The following HYDIN variants were observed in gnomAD, a reference collection of about 807,000 sequenced individuals.
HYDIN encodes axonemal central pair apparatus protein HYDIN.
HYDIN carries 132 observed loss-of-function variants against 403.9 expected under a neutral mutation model. The observed-to-expected ratio is 0.33, with a 90% confidence interval of 0.28 to 0.38. The LOEUF (loss-of-function observed/expected upper bound fraction) is 0.38, where lower values mean the gene tolerates loss of function less well. Ranked by LOEUF, HYDIN falls within the 10% of genes least tolerant of loss-of-function variation. The pLI is 1.00. For missense variants in HYDIN, 2,827 were observed against 5,009.5 expected (o/e 0.56, Z 13.15); for synonymous variants, 1,202 against 1,891.7 (o/e 0.64, Z 9.46).
At chr16:70,859,192 T>A (rs973404495) in intron 71 of HYDIN, among the ~76,000 whole-genome samples, 10 of 151,970 alleles carry the variant, frequency 6.6e-5, no homozygotes, top group Non-Finnish European at 1.2e-4. Context: ...TCCGAGCTAC[T>A]CGGAAGGCTG....
rs190198961 is a variant in HYDIN, at chr16:71,124,408, G to A, written c.1227+5232C>T. On this transcript the variant is annotated intron_variant, in intron 9 of 85. Coordinates refer to ENST00000393567, the MANE Select transcript of HYDIN (RefSeq NM_001270974.2). ...TTTATTTAAATTCAAACCAATCATC[G>A]CCTCTTGGCAACTTAGGGACAGGGT... Among the ~76,000 whole-genome samples, 261 of 152,178 alleles carry A rather than the reference G, an allele frequency of 1.7e-3. 4 individuals are homozygous for A. Among genetic ancestry groups the A allele is most frequent in the Non-Finnish European group, 4.4e-4 (30 of 68,014 alleles).
chr16:71,065,924 GCTTT>G (rs764977413), intron 15 of HYDIN, among the ~76,000 whole-genome samples: 3 of 152,128 alleles, frequency 2.0e-5, no homozygotes, highest in Non-Finnish European at 4.4e-5. Flanking sequence ...CATGAAAGAG[GCTTT>G]CTTTAACCGC....
At chr16:70,840,900 A>T (rs1334152255) in intron 75 of HYDIN, among the ~76,000 whole-genome samples, 1 of 152,114 alleles carries the variant, frequency 6.6e-6, no homozygotes, top group Non-Finnish European at 1.5e-5. Flanking sequence ...TATGTGACTC[A>T]TTGGTACATG....
At chr16:70,888,746 AG>A (rs1374390978) in intron 58 of HYDIN, among the ~76,000 whole-genome samples, 1 of 152,114 alleles carries the variant, frequency 6.6e-6, no homozygotes, top group Non-Finnish European at 1.5e-5. Flanking sequence ...CACCCTGGCA[AG>A]GGGGTGGGGC....
rs184907802 is a variant in HYDIN at position 70,807,521 on chromosome 16, T to C, written c.*59A>G. ...TTAGAATTCTTATTGTTTTCTCTAT[T>C]CTTTTTCAGGCTAAGACAATGCATA... On this transcript the variant is annotated 3_prime_UTR_variant, in exon 86 of 86. Transcript: ENST00000393567. 852 of 1,513,626 alleles carry C rather than the reference T, an allele frequency of 5.6e-4. 4 individuals are homozygous for C. Among genetic ancestry groups the C allele is most frequent in the Middle Eastern group, 2.9e-3 (16 of 5,582 alleles). 93.8% of individuals were successfully genotyped at this position (1,513,626 alleles called of 1,614,324 possible).
At position 70,981,483 on chromosome 16, in the gene HYDIN, A is replaced by G. The variant is rs751441748; in HGVS notation, c.4418T>C (p.Ile1473Thr). ...VPEVFKRSFQ[I>T]QIAHLDPENI... ...TTCTGGGTCCAGGTGGGCGATCTGTATCTGGAAACTCCTTTTAAAGACCTC... is the reference window on the plus strand; with the variant it reads ...TTCTGGGTCCAGGTGGGCGATCTGTGTCTGGAAACTCCTTTTAAAGACCTC... Residue 1473 changes from isoleucine (I) to threonine (T), a missense_variant, in exon 29 of 86, where the codon ATA becomes ACA. Coordinates refer to ENST00000393567, the MANE Select transcript of HYDIN (RefSeq NM_001270974.2). The G allele has an allele frequency of 1.2e-6, 2 of 1,614,014 alleles. No individual in the cohort carries two copies. Among genetic ancestry groups the G allele is most frequent in the Non-Finnish European group, 1.7e-6 (2 of 1,179,974 alleles).
At chr16:71,216,008 A>C (rs1048299591) in intron 1 of HYDIN, among the ~76,000 whole-genome samples, 1 of 152,182 alleles carries the variant, frequency 6.6e-6, no homozygotes, top group African/African-American at 2.4e-5. Context: ...GGGAAATGCC[A>C]AGCACTTGCT....
chr16:71,019,047 T>C (rs563032075), intron 22 of HYDIN, among the ~76,000 whole-genome samples: 236 of 150,752 alleles, frequency 1.6e-3, no homozygotes, highest in African/African-American at 5.6e-3. Flanking sequence ...TCTGCTGTTT[T>C]CTATTCAACT....
intron 45 of HYDIN, among the ~76,000 whole-genome samples, chr16:70,928,961 T>C (rs1282430497): frequency 1.4e-5 from 2 of 144,542 alleles, no homozygotes; most frequent in African/African-American, 5.2e-5. Context: ...GCTTTCTTCT[T>C]CTTCAGTGAG....
chr16:70,964,887 T>G lies in HYDIN; in HGVS notation c.5629A>C (p.Lys1877Gln). Residue 1877 changes from lysine to glutamine, a missense_variant, in exon 37 of 86, where the codon AAG becomes CAG. Coordinates refer to ENST00000393567, the MANE Select transcript of HYDIN (RefSeq NM_001270974.2). The stretch of plus-strand genomic sequence containing the variant: ...TTGTAGGAATCATAGCCCTTCAGCT[T>G]CCGCAAGATCTGCTCGAGGGGAGAA... ...QYLIEEKILR[K>Q]LKGYDSYNTL... is the part of the protein sequence containing the mutation. The G allele has an allele frequency of 1.9e-6, 3 of 1,613,764 alleles. No homozygotes were observed. The highest frequency in any genetic ancestry group is 2.5e-6 in the Non-Finnish European group (3 of 1,179,974).
chr16:71,202,700 G>C (rs2144710123), intron 1 of HYDIN, among the ~76,000 whole-genome samples: 1 of 152,182 alleles, frequency 6.6e-6, no homozygotes, highest in South Asian at 2.1e-4. Flanking sequence ...GAATTTAGTA[G>C]ATCATTTTCT....
chr16:71,230,512 C>T, intron 1 of HYDIN, 50 bp downstream of exon 1: 2 of 1,484,704 alleles, frequency 1.3e-6, no homozygotes, highest in Non-Finnish European at 1.8e-6. Flanking sequence ...CCCGGTTAGC[C>T]CCCATGTCCC....
intron 5 of HYDIN, among the ~76,000 whole-genome samples, chr16:71,163,726 C>G (rs2086109696): frequency 6.6e-6 from 1 of 152,230 alleles, no homozygotes; most frequent in Non-Finnish European, 1.5e-5. Context: ...ATATGTGAGC[C>G]TAGCCACAAT....
chr16:70,974,495 A>T, intron 32 of HYDIN, 39 bp downstream of exon 32: 11 of 1,550,962 alleles, frequency 7.1e-6, no homozygotes, highest in Non-Finnish European at 9.6e-6. Flanking sequence ...GAGAGAAATG[A>T]CCAAGTGCAA....
chr16:70,893,096 G>T (rs1253179091), intron 55 of HYDIN, among the ~76,000 whole-genome samples: 1 of 152,138 alleles, frequency 6.6e-6, no homozygotes, highest in African/African-American at 2.4e-5. Flanking sequence ...GTTGCTGTGG[G>T]GCTCTGAATG....
rs1254839026 is a variant in HYDIN, at chr16:70,883,826, C to T, written c.9979+94G>A. 2.7e-6 allele frequency: 4 copies of T among 1,469,850 alleles called. No individual in the cohort carries two copies. The African/African-American group carries it at 4.2e-5, about 16-fold the overall frequency. The allele number at this position is 1,469,850 out of a possible 1,614,324, so 91.1% of individuals were successfully genotyped here. ...CCTTAGGTGATCTGCCCGCCTTGGC[C>T]TCCCAAAGTGCTGGGATCACAAGCG... On this transcript the variant is annotated intron_variant, in intron 59 of 85. Coordinates refer to ENST00000393567, the MANE Select transcript of HYDIN (RefSeq NM_001270974.2).
Position 71,145,971 on chromosome 16 carries a change from A to C in HYDIN, c.841+6688T>G, listed in dbSNP as rs187625465. Among the ~76,000 whole-genome samples, 15 of 152,292 alleles carry C rather than the reference A, an allele frequency of 9.8e-5. No individual in the cohort carries two copies. In the East Asian group the frequency reaches 2.7e-3, roughly 27 times the overall value. On this transcript the variant is annotated intron_variant, in intron 7 of 85. Coordinates refer to ENST00000393567, the MANE Select transcript of HYDIN (RefSeq NM_001270974.2). ...ATTCTATCGAGCTATAAGCACTCTA[A>C]ATCAGCTGAACTCAAAACTCAACAA...
At chr16:71,008,381 C>T (rs901576311) in intron 23 of HYDIN, among the ~76,000 whole-genome samples, 9 of 152,144 alleles carry the variant, frequency 5.9e-5, no homozygotes, top group African/African-American at 2.2e-4. Context: ...TATTCATCCT[C>T]ACTCTCTGGG....
chr16:71,031,488 C>A (rs1309944094), intron 19 of HYDIN, 191 bp downstream of exon 19: 12 of 1,349,686 alleles, frequency 8.9e-6, no homozygotes, highest in Non-Finnish European at 1.1e-5. Flanking sequence ...AGAATGCAAC[C>A]AAGTTATGGC....
Sources: gnomAD v4.1 joint callset for allele counts (sites outside exome capture counted in the v4.1 genomes callset) on GRCh38, gnomAD v4.1.1 for gene constraint, MANE v1.5 for transcripts, NCBI Gene and HGNC (gene_info 2026-07-23, HGNC 2026-07-21) for gene names.